Variants in B3GALT1 observed in about 807,000 individuals in gnomAD.
The protein encoded by B3GALT1 is UDP-Gal:betaGlcNAc beta 1,3-galactosyltransferase, polypeptide 1.
Under a neutral mutation model 23.2 loss-of-function variants are expected in B3GALT1, and 10 were observed. The observed-to-expected ratio is 0.43, with a 90% CI of 0.27 to 0.73. The LOEUF is 0.73. Ranked by LOEUF, B3GALT1 falls within the 30% of genes least tolerant of loss-of-function variation. The pLI, the probability that B3GALT1 is intolerant of heterozygous loss-of-function variation, is 0.21. For missense variants in B3GALT1, 299 were observed against 405.4 expected (o/e 0.74, Z 2.25); for synonymous variants, 156 against 141.5 (o/e 1.10, Z -0.73).
At chr2:167,587,290 C>A (rs931944005) in intron 2 of B3GALT1, among the ~76,000 whole-genome samples, 1 of 152,070 alleles carries the variant, frequency 6.6e-6, no homozygotes, top group African/African-American at 2.4e-5. Context: ...TGTATCAAAC[C>A]CATATTATCA....
intron 4 of B3GALT1, among the ~76,000 whole-genome samples, chr2:167,856,390 G>C (rs1370847648): frequency 6.6e-6 from 1 of 152,154 alleles, no homozygotes; most frequent in East Asian, 1.9e-4. Flanking sequence ...TGATCCACCT[G>C]CTGGTGAACA....
chr2:167,565,464 A>G (rs1027946871), intron 2 of B3GALT1, among the ~76,000 whole-genome samples: 1 of 152,246 alleles, frequency 6.6e-6, no homozygotes, highest in African/African-American at 2.4e-5. Context: ...CTTCATGTCT[A>G]AAACACCAAA....
At chr2:167,719,888 C>T (rs1407827318) in intron 3 of B3GALT1, among the ~76,000 whole-genome samples, 1 of 151,704 alleles carries the variant, frequency 6.6e-6, no homozygotes, top group African/African-American at 2.4e-5. Context: ...GCTGAGATCT[C>T]ACCATTGCAC....
intron 2 of B3GALT1, among the ~76,000 whole-genome samples, chr2:167,491,892 G>A (rs567446642): frequency 7.9e-5 from 12 of 151,542 alleles, no homozygotes; most frequent in Non-Finnish European, 1.6e-4. Flanking sequence ...TAATCTTCTC[G>A]CTCAATCCAC....
At chr2:167,463,839 G>A (rs1343843136) in intron 1 of B3GALT1, among the ~76,000 whole-genome samples, 1 of 152,204 alleles carries the variant, frequency 6.6e-6, no homozygotes, top group Admixed American at 6.5e-5. Flanking sequence ...GATAAGAGTT[G>A]TATGGTAATT....
At chr2:167,394,645 T>A (rs1210127970) in intron 1 of B3GALT1, among the ~76,000 whole-genome samples, 2 of 151,986 alleles carry the variant, frequency 1.3e-5, no homozygotes, top group Non-Finnish European at 2.9e-5. Context: ...ATTTCGTAAC[T>A]AAGCGATAGG....
intron 4 of B3GALT1, among the ~76,000 whole-genome samples, 45 bp from the exon 5 acceptor site, chr2:167,868,766 G>A (rs150119177): frequency 6.9e-4 from 105 of 152,228 alleles, no homozygotes; most frequent in African/African-American, 2.2e-3. Context: ...TATGTAGAAC[G>A]ATGACATAAA....
chr2:167,518,743 CA>C (rs1700139647), intron 2 of B3GALT1, among the ~76,000 whole-genome samples: 2 of 152,336 alleles, frequency 1.3e-5, no homozygotes, highest in Admixed American at 1.3e-4. Flanking sequence ...CAACTTGCTA[CA>C]GTGCATTTGA....
At chr2:167,671,107 A>C (rs1686318250) in intron 3 of B3GALT1, among the ~76,000 whole-genome samples, 1 of 152,202 alleles carries the variant, frequency 6.6e-6, no homozygotes, top group Non-Finnish European at 1.5e-5. Flanking sequence ...TCATATAATG[A>C]CAAAGGATGT....
intron 1 of B3GALT1, among the ~76,000 whole-genome samples, chr2:167,313,441 G>T (rs904903415): frequency 6.6e-6 from 1 of 152,106 alleles, no homozygotes; most frequent in Non-Finnish European, 1.5e-5. Context: ...TAAACATAAA[G>T]AGATACCTGT....
rs199897863 is a variant in B3GALT1 at position 167,361,138 on chromosome 2, T to C, written c.-511+67804T>C. ...TGGACACTTAGTTTGATTCCATATC[T>C]TGGCTATTGTGAATAGTGCTTCAGT... On this transcript the variant is annotated intron_variant, in intron 1 of 4. Transcript: ENST00000392690. Among the ~76,000 whole-genome samples the C allele has an allele frequency of 2.6e-5, 4 of 152,184 alleles. No individual in the cohort carries two copies. In the East Asian group the frequency reaches 7.7e-4, roughly 29 times the overall value.
intron 2 of B3GALT1, among the ~76,000 whole-genome samples, chr2:167,519,778 G>A (rs1700159578): frequency 6.6e-6 from 1 of 152,046 alleles, no homozygotes; most frequent in African/African-American, 2.4e-5. Context: ...CTCTATACAA[G>A]AAAAATATAT....
intron 3 of B3GALT1, among the ~76,000 whole-genome samples, chr2:167,742,490 G>A (rs1224963965): frequency 2.0e-5 from 3 of 152,168 alleles, no homozygotes; most frequent in African/African-American, 7.2e-5. Context: ...CATAAAAAAT[G>A]TGTATTCAGT....
chr2:167,646,817 G>A (rs1007200864), intron 2 of B3GALT1, among the ~76,000 whole-genome samples, 92 bp from the exon 3 acceptor site: 1 of 152,192 alleles, frequency 6.6e-6, no homozygotes, highest in African/African-American at 2.4e-5. Flanking sequence ...GAAAGTGGGT[G>A]TCTATTATTG....
intron 3 of B3GALT1, among the ~76,000 whole-genome samples, chr2:167,812,911 C>T (rs1688917187): frequency 6.6e-6 from 1 of 151,646 alleles, no homozygotes; most frequent in East Asian, 1.9e-4. Flanking sequence ...CTCTGAATAC[C>T]TCATTCAAGA....
At chr2:167,753,416 T>C (rs1687770367) in intron 3 of B3GALT1, among the ~76,000 whole-genome samples, 1 of 152,190 alleles carries the variant, frequency 6.6e-6, no homozygotes, top group African/African-American at 2.4e-5. Context: ...AGTGAAACCA[T>C]GGTCAGGCTC....
chr2:167,781,939 C>T (rs1463330773), intron 3 of B3GALT1, among the ~76,000 whole-genome samples: 5 of 152,148 alleles, frequency 3.3e-5, no homozygotes. Flanking sequence ...AACGGGGTTT[C>T]ACCATGTTGG....
chr2:167,477,904 G>T (rs149573694), intron 1 of B3GALT1, among the ~76,000 whole-genome samples: 178 of 152,264 alleles, frequency 1.2e-3, no homozygotes, highest in Non-Finnish European at 1.9e-3. Flanking sequence ...TTGAATGGCA[G>T]AATAGAAAAT....
chr2:167,522,562 A>G (rs1042111585), intron 2 of B3GALT1, among the ~76,000 whole-genome samples: 2 of 152,152 alleles, frequency 1.3e-5, no homozygotes, highest in Non-Finnish European at 2.9e-5. Context: ...ATCAAAAGAC[A>G]TATTTAATTA....
Sources: allele counts gnomAD v4.1 joint callset (sites outside exome capture counted in the v4.1 genomes callset), GRCh38; gene constraint gnomAD v4.1.1; transcripts MANE v1.5; gene names NCBI Gene and HGNC (gene_info 2026-07-23, HGNC 2026-07-21).